MYO3B: variants seen among roughly 807,000 people sequenced by gnomAD.
MYO3B encodes myosin IIIB, also known as myosin-IIIb.
Under a neutral mutation model 174.6 loss-of-function variants are expected in MYO3B, and 156 were observed. The ratio of observed to expected loss-of-function variants is 0.89; its 90% CI spans 0.78 to 1.02. MYO3B has a LOEUF of 1.02. MYO3B is among the 50% of genes least tolerant of loss of function. The pLI, the probability that MYO3B is intolerant of heterozygous loss-of-function variation, is 0.00. For missense variants in MYO3B, 1,632 were observed against 1,639.4 expected (o/e 1.00, Z 0.08); for synonymous variants, 563 against 569.1 (o/e 0.99, Z 0.15).
chr2:170,308,320 A>C (rs1447280885), intron 7 of MYO3B, among the ~76,000 whole-genome samples: 1 of 152,204 alleles, frequency 6.6e-6, no homozygotes, highest in Non-Finnish European at 1.5e-5. Flanking sequence ...CGAAAGCAAA[A>C]ATCAAAGAAA....
chr2:170,425,446 G>T (rs1417263743), intron 22 of MYO3B, among the ~76,000 whole-genome samples: 2 of 152,220 alleles, frequency 1.3e-5, no homozygotes, highest in Non-Finnish European at 2.9e-5. Flanking sequence ...GAACTTGAGA[G>T]CTGGAGGTTG....
chr2:170,590,815 G>A (rs779016063), intron 32 of MYO3B, among the ~76,000 whole-genome samples: 14 of 152,130 alleles, frequency 9.2e-5, no homozygotes, highest in South Asian at 2.1e-4. Flanking sequence ...ACCATGGGTC[G>A]TAGTATTCAC....
At chr2:170,612,345 G>A (rs1695175390) in intron 32 of MYO3B, among the ~76,000 whole-genome samples, 1 of 152,182 alleles carries the variant, frequency 6.6e-6, no homozygotes, top group Non-Finnish European at 1.5e-5. Flanking sequence ...AGTGCTCAGG[G>A]CCTTATGGAC....
intron 8 of MYO3B, among the ~76,000 whole-genome samples, chr2:170,356,501 T>C (rs2094122052): frequency 6.6e-6 from 1 of 151,904 alleles, no homozygotes. Context: ...TAGCTGGGAT[T>C]ACAGGCATCC....
At chr2:170,451,936 G>A (rs1231385312) in intron 23 of MYO3B, among the ~76,000 whole-genome samples, 2 of 152,270 alleles carry the variant, frequency 1.3e-5, no homozygotes, top group Admixed American at 6.5e-5. Context: ...ACAGTACAAC[G>A]CTTTTACTGT....
intron 32 of MYO3B, among the ~76,000 whole-genome samples, chr2:170,595,092 T>C (rs1164326540): frequency 1.3e-5 from 2 of 152,196 alleles, no homozygotes; most frequent in Admixed American, 1.3e-4. Context: ...AGCCATGGGA[T>C]CTCAGGCAAG....
At chr2:170,261,269 C>T (rs1448514135) in intron 7 of MYO3B, among the ~76,000 whole-genome samples, 1 of 152,206 alleles carries the variant, frequency 6.6e-6, no homozygotes, top group Non-Finnish European at 1.5e-5. Flanking sequence ...AGGGATCCCA[C>T]CCGCCTCAGC....
chr2:170,467,702 T>A (rs1022572654), intron 25 of MYO3B, among the ~76,000 whole-genome samples: 1 of 151,936 alleles, frequency 6.6e-6, no homozygotes, highest in East Asian at 1.9e-4. Flanking sequence ...CTCTGAAACA[T>A]GTGCCCAAAG....
chr2:170,456,211 A>G (rs1683900612), intron 23 of MYO3B, among the ~76,000 whole-genome samples: 1 of 152,132 alleles, frequency 6.6e-6, no homozygotes, highest in Non-Finnish European at 1.5e-5. Context: ...ATGGCCTTGA[A>G]GAACATACAA....
Position 170,387,149 on chromosome 2 carries a change from C to T in MYO3B, c.1418C>T (p.Ser473Phe), listed in dbSNP as rs746744711. Reference sequence around the variant, plus strand: ...AGAGAGAAAATTCTACAAGTCAACTCCCTGGTGGAAGCCTTTGGGAACTCA... The same window carrying T: ...AGAGAGAAAATTCTACAAGTCAACTTCCTGGTGGAAGCCTTTGGGAACTCA... ...TLREKILQVN[S>F]LVEAFGNSCT... Residue 473 changes from serine to phenylalanine, a missense_variant, in exon 14 of 35, where the codon TCC becomes TTC. Ser to Phe is a radical substitution (Grantham distance 155). Transcript: ENST00000408978. 1.1e-5 allele frequency: 17 copies of T among 1,614,084 alleles called. No homozygotes were observed. The highest frequency in any genetic ancestry group is 1.4e-5 in the Non-Finnish European group (17 of 1,179,958).
At chr2:170,281,705 A>T (rs1024786851) in intron 7 of MYO3B, among the ~76,000 whole-genome samples, 2 of 152,188 alleles carry the variant, frequency 1.3e-5, no homozygotes, top group Non-Finnish European at 2.9e-5. Flanking sequence ...AGAACAAGTC[A>T]ACCCCAAAGC....
intron 30 of MYO3B, 169 bp downstream of exon 30, chr2:170,519,709 T>A (rs1175323402): frequency 2.5e-5 from 14 of 568,484 alleles, no homozygotes; most frequent in Non-Finnish European, 4.1e-5. Context: ...TGGTGGCTCA[T>A]GCCTGTAATC....
chr2:170,511,930 A>G (rs1199822608), intron 28 of MYO3B, among the ~76,000 whole-genome samples: 2 of 152,226 alleles, frequency 1.3e-5, no homozygotes, highest in Non-Finnish European at 1.5e-5. Context: ...GGTGGGAGTC[A>G]GAAAATAATG....
At chr2:170,302,595 A>G (rs939833789) in intron 7 of MYO3B, among the ~76,000 whole-genome samples, 5 of 152,210 alleles carry the variant, frequency 3.3e-5, no homozygotes, top group African/African-American at 4.8e-5. Flanking sequence ...GGGACTTTCT[A>G]TATTCATTAA....
chr2:170,201,613 AT>A (rs35451563), intron 3 of MYO3B, among the ~76,000 whole-genome samples: 68,412 of 151,890 alleles, frequency 0.45, 15,772 homozygotes, highest in African/African-American at 0.58. Context: ...CTCAGAATAT[AT>A]AAGATGTAAG....
At chr2:170,270,698 G>A (rs574444667) in intron 7 of MYO3B, among the ~76,000 whole-genome samples, 12 of 152,260 alleles carry the variant, frequency 7.9e-5, no homozygotes, top group African/African-American at 2.2e-4. Context: ...TTCCTCCAAC[G>A]TGGCAAGGCT....
chr2:170,237,264 A>C (rs1244766756), intron 7 of MYO3B, among the ~76,000 whole-genome samples: 8 of 152,224 alleles, frequency 5.3e-5, no homozygotes, highest in African/African-American at 1.9e-4. Flanking sequence ...ATAAGTCAGA[A>C]AATGGGAAAT....
At chr2:170,631,528 C>A (rs1176247189) in intron 32 of MYO3B, among the ~76,000 whole-genome samples, 1 of 151,832 alleles carries the variant, frequency 6.6e-6, no homozygotes. Context: ...GGCCAACATT[C>A]AAATTCAGGA....
In MYO3B at chr2:170,463,350, C is replaced by A. The variant is rs561061911; in HGVS notation, c.2731-18C>A. On this transcript the variant is annotated intron_variant, in intron 23 of 34. Transcript: ENST00000408978. The stretch of plus-strand genomic sequence containing the variant: ...GTGCCTAGATCCTCAAACCACTTGC[C>A]TCCACCTATGCTTCCAGGTGGACAC... The A allele has an allele frequency of 6.2e-7, 1 of 1,610,582 alleles. No individual in the cohort carries two copies. Among genetic ancestry groups the A allele is most frequent in the Non-Finnish European group, 8.5e-7 (1 of 1,178,100 alleles).
Sources: allele counts gnomAD v4.1 joint callset (sites outside exome capture counted in the v4.1 genomes callset), GRCh38; gene constraint gnomAD v4.1.1; transcripts MANE v1.5; gene names NCBI Gene and HGNC (gene_info 2026-07-23, HGNC 2026-07-21).